SH3RF2: variants seen among roughly 807,000 people sequenced by gnomAD.
SH3RF2 encodes SH3 domain containing ring finger 2, also known as E3 ubiquitin-protein ligase SH3RF2.
A neutral mutation model predicts 59.0 loss-of-function variants in SH3RF2; 43 were observed. The ratio of observed to expected loss-of-function variants is 0.73; its 90% CI spans 0.57 to 0.94. The LOEUF is 0.94. Among genes scored for constraint, SH3RF2 ranks in the 40% least tolerant of loss-of-function variants. The pLI is 0.00. For synonymous variants in SH3RF2, 391 were observed against 391.5 expected, an observed-to-expected ratio of 1.00 and a Z score of 0.01; for missense variants, 930 against 940.1, an observed-to-expected ratio of 0.99 and a Z score of 0.14.
At chr5:145,950,107 C>T (rs1429941059) in intron 2 of SH3RF2, among the ~76,000 whole-genome samples, 2 of 151,556 alleles carry the variant, frequency 1.3e-5, no homozygotes, top group African/African-American at 2.4e-5. Context: ...TAACTACTAC[C>T]ATCATGTAGC....
At chr5:145,979,543 G>A in intron 2 of SH3RF2, among the ~76,000 whole-genome samples, 1 of 152,184 alleles carries the variant, frequency 6.6e-6, no homozygotes, top group East Asian at 1.9e-4. Context: ...AAGCAGCTCT[G>A]TGGGGGAAAT....
At chr5:145,979,099 T>C (rs754571373) in intron 2 of SH3RF2, among the ~76,000 whole-genome samples, 2 of 152,190 alleles carry the variant, frequency 1.3e-5, no homozygotes, top group African/African-American at 2.4e-5. Context: ...AGTAAGATTA[T>C]GGCAAGGTTT....
chr5:145,956,729 A>G (rs924343914), intron 2 of SH3RF2, among the ~76,000 whole-genome samples: 2 of 152,268 alleles, frequency 1.3e-5, no homozygotes, highest in Non-Finnish European at 2.9e-5. Context: ...GGAAGGATCA[A>G]GACCACAAAT....
chr5:145,955,301 G>T (rs1758350145), intron 2 of SH3RF2, among the ~76,000 whole-genome samples: 1 of 152,074 alleles, frequency 6.6e-6, no homozygotes, highest in African/African-American at 2.4e-5. Flanking sequence ...ATTATTCCAG[G>T]AACCGAAAAC....
At position 146,015,158 on chromosome 5, in the gene SH3RF2, G is replaced by A. The variant is rs534881307; in HGVS notation, c.1059+1097G>A. Among the ~76,000 whole-genome samples the A allele has an allele frequency of 8.3e-4, 127 of 152,166 alleles. 1 individual carries two copies. Among genetic ancestry groups the A allele is most frequent in the South Asian group, 1.9e-3 (9 of 4,816 alleles). ...TAATCCCTTTTTAACAAGACAAGGA[G>A]GAAAGAGAAAGTCAAGGGCTCCTCA... is the stretch of plus-strand genomic sequence containing the variant. On this transcript the variant is annotated intron_variant, in intron 5 of 9. Coordinates refer to ENST00000359120, the MANE Select transcript of SH3RF2 (RefSeq NM_152550.4).
At chr5:146,028,134 C>T (rs1012305779) in intron 5 of SH3RF2, among the ~76,000 whole-genome samples, 3 of 145,714 alleles carry the variant, frequency 2.1e-5, no homozygotes, top group Non-Finnish European at 4.6e-5. Flanking sequence ...GAGCAGGGGA[C>T]ATTGATATCC....
At chr5:146,016,358 G>GGATA (rs762433205) in intron 5 of SH3RF2, among the ~76,000 whole-genome samples, 1 of 89,754 alleles carries the variant, frequency 1.1e-5, no homozygotes, top group Non-Finnish European at 2.0e-5. Flanking sequence ...GTAAGTAGAT[G>GGATA]GATGGATGGA....
At position 146,000,133 on chromosome 5, in the gene SH3RF2, A is replaced by G. The variant is rs991246881; in HGVS notation, c.454A>G (p.Ile152Val). 2 of 1,613,926 alleles carry G rather than the reference A, an allele frequency of 1.2e-6. No individual in the cohort carries two copies. The highest frequency in any genetic ancestry group is 1.7e-6 in the Non-Finnish European group (2 of 1,179,904). Reference sequence around the variant, plus strand: ...CCTAAGGTTTAATAAGGGAGATATCATCCTTCTCCGGAGACAGCTTGATGA... The same window carrying G: ...CCTAAGGTTTAATAAGGGAGATATCGTCCTTCTCCGGAGACAGCTTGATGA... ...GDLRFNKGDI[I>V]LLRRQLDENW... Residue 152 changes from isoleucine (I) to valine (V), a missense_variant, in exon 3 of 10, where the codon ATC becomes GTC. Coordinates refer to ENST00000359120, the MANE Select transcript of SH3RF2 (RefSeq NM_152550.4).
intron 2 of SH3RF2, among the ~76,000 whole-genome samples, chr5:145,965,408 CTG>C (rs1004343228): frequency 2.0e-5 from 3 of 152,020 alleles, no homozygotes; most frequent in Non-Finnish European, 2.9e-5. Flanking sequence ...AATTGATAAG[CTG>C]TGTTACAAAT....
intron 2 of SH3RF2, among the ~76,000 whole-genome samples, chr5:145,995,295 T>A (rs777577876): frequency 3.3e-5 from 5 of 152,184 alleles, no homozygotes; most frequent in Admixed American, 6.5e-5. Flanking sequence ...CCAGAAAGGC[T>A]AAAAATGTGA....
intron 5 of SH3RF2, among the ~76,000 whole-genome samples, chr5:146,016,063 G>T (rs1371128579): frequency 6.6e-6 from 1 of 152,126 alleles, no homozygotes; most frequent in Non-Finnish European, 1.5e-5. Context: ...ATGGTGCCTA[G>T]ACCCTAGCAG....
intron 4 of SH3RF2, among the ~76,000 whole-genome samples, chr5:146,007,318 A>G (rs1760685270): frequency 6.6e-6 from 1 of 152,210 alleles, no homozygotes; most frequent in Non-Finnish European, 1.5e-5. Context: ...TGGACCTTTC[A>G]GGAGGTAGAA....
intron 2 of SH3RF2, among the ~76,000 whole-genome samples, chr5:145,961,708 G>GC (rs1490761415): frequency 3.3e-5 from 5 of 152,144 alleles, no homozygotes; most frequent in Non-Finnish European, 5.9e-5. Flanking sequence ...TGAGCCTGAG[G>GC]CATGGATTTT....
intron 8 of SH3RF2, among the ~76,000 whole-genome samples, chr5:146,058,153 A>G (rs749768282): frequency 6.6e-6 from 1 of 152,056 alleles, no homozygotes; most frequent in Non-Finnish European, 1.5e-5. Flanking sequence ...CTTGCATTGT[A>G]TACACATGTA....
In SH3RF2 at chr5:146,022,742, G is replaced by A. The variant is rs1432829252; in HGVS notation, c.1059+8681G>A. On this transcript the variant is annotated intron_variant, in intron 5 of 9. Coordinates refer to ENST00000359120, the MANE Select transcript of SH3RF2 (RefSeq NM_152550.4). ...ACAAAAATTAGCCAGGTGTGGTGGC[G>A]CATGCCTGTAGTCCCAGCTACTTGG... is the stretch of plus-strand genomic sequence containing the variant. Among the ~76,000 whole-genome samples the A allele has an allele frequency of 3.3e-5, 5 of 151,932 alleles. No homozygotes were observed. In the East Asian group the frequency reaches 7.8e-4, roughly 24 times the overall value.
intron 5 of SH3RF2, among the ~76,000 whole-genome samples, chr5:146,037,871 C>T (rs1761994697): frequency 6.6e-6 from 1 of 152,052 alleles, no homozygotes; most frequent in African/African-American, 2.4e-5. Context: ...GAAAAGACAA[C>T]ATAAGAAAGG....
intron 2 of SH3RF2, among the ~76,000 whole-genome samples, chr5:145,994,853 A>G (rs1236723828): frequency 6.6e-6 from 1 of 152,210 alleles, no homozygotes; most frequent in Non-Finnish European, 1.5e-5. Context: ...GAATTAGAGC[A>G]CTTAGCAAAG....
chr5:146,038,920 AT>A (rs1427896497), intron 5 of SH3RF2, among the ~76,000 whole-genome samples: 1 of 152,252 alleles, frequency 6.6e-6, no homozygotes, highest in Non-Finnish European at 1.5e-5. Context: ...TCAGATTTCC[AT>A]TTTTATTTCA....
intron 9 of SH3RF2, among the ~76,000 whole-genome samples, chr5:146,069,802 G>T (rs1206098619): frequency 1.3e-5 from 2 of 151,912 alleles, no homozygotes; most frequent in African/African-American, 4.8e-5. Context: ...TCGAACTCCT[G>T]GGCTCTACCG....
Sources: gnomAD v4.1 joint callset for allele counts (sites outside exome capture counted in the v4.1 genomes callset) on GRCh38, gnomAD v4.1.1 for gene constraint, MANE v1.5 for transcripts, NCBI Gene and HGNC (gene_info 2026-07-23, HGNC 2026-07-21) for gene names.